The following ZNF668 variants were observed in gnomAD, a reference collection of about 807,000 sequenced individuals.
ZNF668 encodes zinc finger protein 668.
In ZNF668, 10 loss-of-function variants were observed where a neutral mutation model predicts 40.3. The observed-to-expected ratio is 0.25, with a 90% CI of 0.15 to 0.42. ZNF668 has a LOEUF of 0.42. ZNF668 is among the 10% of genes least tolerant of loss of function. The probability of loss-of-function intolerance (pLI) is 1.00; values close to 1 mark genes in which losing one functional copy is unlikely to be tolerated. For missense variants in ZNF668, 749 were observed against 904.6 expected (o/e 0.83, Z 2.21); for synonymous variants, 428 against 384.6 (o/e 1.11, Z -1.32).
chr16:31,061,209 G>A lies in ZNF668; in HGVS notation c.1719C>T (p.Thr573=). 6.6e-7 allele frequency: 1 copy of A among 1,524,670 alleles called. No homozygotes were observed. Among genetic ancestry groups the A allele is most frequent in the Non-Finnish European group, 8.8e-7 (1 of 1,137,924 alleles). The allele number at this position is 1,524,670 out of a possible 1,614,324, so 94.4% of individuals were successfully genotyped here. The change falls in exon 3 of 3, where the codon ACC becomes ACT. Residue 573 remains threonine (T), a synonymous_variant. Coordinates refer to ENST00000300849, the MANE Select transcript of ZNF668 (RefSeq NM_024706.5). This position sits in a 1 kb window ranked among gnomAD's most constrained non-coding sequence, Gnocchi z 7.7. ...AGAAGGCCTTGGGACAATGGGGGCA[G>A]GTGTAGGGGCGCACTGAGCTGTGAG... is the stretch of plus-strand genomic sequence containing the variant. ...SRTHSSVRPY[T]CPHCPKAFLS... is the part of the protein sequence containing the mutation.
At position 31,069,351 on chromosome 16, in the gene ZNF668, T is replaced by A. The variant is rs1377628970; in HGVS notation, c.-23+4308A>T. 2.6e-5 allele frequency: 4 copies of A among 151,750 alleles called. No individual in the cohort carries two copies. The East Asian group carries it at 5.8e-4, about 22-fold the overall frequency. The allele number at this position is 151,750 out of a possible 1,614,324, so 9.4% of individuals were successfully genotyped here. On this transcript the variant is annotated intron_variant, in intron 1 of 2. Coordinates refer to ENST00000300849, the MANE Select transcript of ZNF668 (RefSeq NM_024706.5). ...CTCCTCTCCCTGGCCCACTGGGCTCTACCCACAGAGGCCTCCTTTCTTCTC... is the reference window on the plus strand; with the variant it reads ...CTCCTCTCCCTGGCCCACTGGGCTCAACCCACAGAGGCCTCCTTTCTTCTC...
intron 1 of ZNF668, among the ~76,000 whole-genome samples, chr16:31,068,239 A>AATATATATAT (rs869069195): frequency 1.2e-4 from 10 of 82,982 alleles, no homozygotes; most frequent in African/African-American, 5.0e-4. Flanking sequence ...AAAAAAAAAA[A>AATATATATAT]ATATATATAT....
chr16:31,068,266 A>ATATGT (rs1348939812), intron 1 of ZNF668, among the ~76,000 whole-genome samples: 1 of 125,228 alleles, frequency 8.0e-6, no homozygotes, highest in Admixed American at 8.5e-5. Flanking sequence ...ATATATATAT[A>ATATGT]ATTTTTGAGA....
chr16:31,065,971 G>T, intron 1 of ZNF668: 3 of 969,020 alleles, frequency 3.1e-6, no homozygotes, highest in Non-Finnish European at 3.7e-6. Flanking sequence ...GAGGGTGCTA[G>T]GGGAAATACA....
At position 31,064,360 on chromosome 16, in the gene ZNF668, C is replaced by A; in HGVS notation, c.100G>T (p.Ala34Ser). Reference protein sequence around the residue: ...CLSCTKTFPNAPRAARHAATH... With the variant: ...CLSCTKTFPNSPRAARHAATH... ...GCAGCGTGGCGCGCTGCCCTGGGCGCGTTTGGAAATGTCTTGGTACAGGAC... is the reference window on the plus strand; with the variant it reads ...GCAGCGTGGCGCGCTGCCCTGGGCGAGTTTGGAAATGTCTTGGTACAGGAC... Residue 34 changes from alanine to serine, a missense_variant, in exon 2 of 3, where the codon GCG becomes TCG. Ala to Ser is a moderately conservative substitution (Grantham distance 99). Transcript: ENST00000300849. 6.2e-7 allele frequency: 1 copy of A among 1,613,938 alleles called. No homozygotes were observed. The highest frequency in any genetic ancestry group is 2.2e-5 in the East Asian group (1 of 44,872).
In ZNF668 at chr16:31,061,489, G is replaced by A. The variant is rs1473866554; in HGVS notation, c.1439C>T (p.Thr480Met). ...MATQWQVVGM[T>M]VEHVECQDAG... ...ATCTTGGCATTCCACATGCTCCACC[G>A]TCATGCCCACCACCTGCCACTGTGT... is the stretch of plus-strand genomic sequence containing the variant. The change falls in exon 3 of 3, where the codon ACG becomes ATG. Residue 480 changes from threonine (T) to methionine (M), a missense_variant. Coordinates refer to ENST00000300849, the MANE Select transcript of ZNF668 (RefSeq NM_024706.5). The surrounding 1 kb of genome is among the most constrained non-coding windows in gnomAD (Gnocchi z 7.7). 1 of 1,613,122 alleles carries A rather than the reference G, an allele frequency of 6.2e-7. No homozygotes were observed. Among genetic ancestry groups the A allele is most frequent in the Non-Finnish European group, 8.5e-7 (1 of 1,179,962 alleles).
chr16:31,070,254 C>G (rs1030318034), intron 1 of ZNF668, among the ~76,000 whole-genome samples: 1 of 151,410 alleles, frequency 6.6e-6, no homozygotes, highest in African/African-American at 2.4e-5. Flanking sequence ...GTCCCCCAGG[C>G]TGGAGTGCAA....
rs1462501601 is a variant in ZNF668 at position 31,064,087 on chromosome 16, C to T, written c.373G>A (p.Val125Met). 3 of 1,605,608 alleles carry T rather than the reference C, an allele frequency of 1.9e-6. No homozygotes were observed. The highest frequency in any genetic ancestry group is 2.5e-6 in the Non-Finnish European group (3 of 1,176,786). Residue 125 changes from valine (V) to methionine (M), a missense_variant, in exon 2 of 3, where the codon GTG becomes ATG. This residue lies in a region of ZNF668 where 151 missense variants were observed against 178.6 expected (regional missense o/e 0.85). Transcript: ENST00000300849. Reference protein sequence around the residue: ...PECGRRFMQPVCLRVHLASHA... With the variant: ...PECGRRFMQPMCLRVHLASHA... ...GAGGCCAGGTGCACGCGCAGGCACA[C>T]GGGCTGCATGAAGCGGCGGCCGCAC...
intron 2 of ZNF668, chr16:31,062,765 AAAAAAAAAAAAAAAAAAGAAAAAG>A (rs2056943398): frequency 3.8e-5 from 1 of 26,614 alleles, no homozygotes; most frequent in Non-Finnish European, 7.0e-5. Context: ...CTCCGTCTCA[AAAAAAAAAAAAAAAAAAGAAAAAG>A]AAAAAAAAAA....
chr16:31,061,230 G>A lies in ZNF668; in HGVS notation c.1698C>T (p.His566=). 6.5e-7 allele frequency: 1 copy of A among 1,531,312 alleles called. No individual in the cohort carries two copies. The highest frequency in any genetic ancestry group is 2.3e-5 in the East Asian group (1 of 44,260). The allele number at this position is 1,531,312 out of a possible 1,614,324, so 94.9% of individuals were successfully genotyped here. A position where few individuals can be genotyped will look rare whatever the true frequency, so the allele number is the denominator to read the frequency against. Reference sequence around the variant, plus strand: ...GGCAGGTGTAGGGGCGCACTGAGCTGTGAGTGCGGCTGTGTTTGCGCAGCC... The same window carrying A: ...GGCAGGTGTAGGGGCGCACTGAGCTATGAGTGCGGCTGTGTTTGCGCAGCC... ...RAGLRKHSRT[H]SSVRPYTCPH... Residue 566 remains histidine (H), a synonymous_variant, in exon 3 of 3, where the codon CAC becomes CAT. Transcript: ENST00000300849. This position sits in a 1 kb window ranked among gnomAD's most constrained non-coding sequence, Gnocchi z 7.7.
At chr16:31,063,697 C>T in intron 2 of ZNF668, 116 bp downstream of exon 2, 2 of 1,218,376 alleles carry the variant, frequency 1.6e-6, no homozygotes, top group Non-Finnish European at 2.2e-6. Context: ...TTGGATCTGC[C>T]ATGCCCACCT....
At chr16:31,066,252 C>T (rs1481116795) in intron 1 of ZNF668, 1 of 985,354 alleles carries the variant, frequency 1.0e-6, no homozygotes, top group African/African-American at 1.7e-5. Context: ...TCCCCAGGTC[C>T]TTCCTGCTTG....
At chr16:31,064,954 T>C (rs556310040) in intron 1 of ZNF668, 16 of 1,301,980 alleles carry the variant, frequency 1.2e-5, no homozygotes, top group South Asian at 3.7e-5. Context: ...TAGCTGGCAC[T>C]GTCTGGAAGT....
intron 1 of ZNF668, among the ~76,000 whole-genome samples, chr16:31,070,356 C>T (rs35652196): frequency 2.3e-4 from 35 of 151,296 alleles, no homozygotes; most frequent in Admixed American, 6.6e-4. Flanking sequence ...TATAGGCGCC[C>T]GCCACTACAT....
chr16:31,064,064 G>A lies in ZNF668; in HGVS notation c.396C>T (p.Ala132=). The A allele has an allele frequency of 1.2e-6, 2 of 1,604,676 alleles. No individual in the cohort carries two copies. Among genetic ancestry groups the A allele is most frequent in the Non-Finnish European group, 8.5e-7 (1 of 1,174,884 alleles). The stretch of plus-strand genomic sequence containing the variant: ...GGAAGGGCAGTTCGCCAGCGTGCGA[G>A]GCCAGGTGCACGCGCAGGCACACGG... The part of the protein sequence containing the change: ...MQPVCLRVHL[A]SHAGELPFRC... Residue 132 remains alanine, a synonymous_variant, in exon 2 of 3, where the codon GCC becomes GCT. Transcript: ENST00000300849.
chr16:31,062,921 C>G (rs947497810), intron 2 of ZNF668: 4 of 151,944 alleles, frequency 2.6e-5, no homozygotes, highest in African/African-American at 9.7e-5. Flanking sequence ...ACGGAGAAAC[C>G]CCGTCTCTAC....
Position 31,064,869 on chromosome 16 carries a change from G to T in ZNF668, c.-22-388C>A. 8 of 1,426,796 alleles carry T rather than the reference G, an allele frequency of 5.6e-6. No individual in the cohort carries two copies. The South Asian group carries it at 1.2e-4, about 22-fold the overall frequency. 88.4% of individuals were successfully genotyped at this position (1,426,796 alleles called of 1,614,324 possible). On this transcript the variant is annotated intron_variant, in intron 1 of 2. Transcript: ENST00000300849. The stretch of plus-strand genomic sequence containing the variant: ...AAGAGTGTACCCAGACGTGGGCCTG[G>T]CCTGAAGGTCTCCAAGCGCCCAGAA...
At chr16:31,071,846 A>C (rs1358767008) in intron 1 of ZNF668, among the ~76,000 whole-genome samples, 1 of 152,252 alleles carries the variant, frequency 6.6e-6, no homozygotes, top group Non-Finnish European at 1.5e-5. Flanking sequence ...CATTTTGTGC[A>C]TAATACTCAA....
chr16:31,066,658 T>G (rs757951464), intron 1 of ZNF668, among the ~76,000 whole-genome samples: 3 of 147,976 alleles, frequency 2.0e-5, no homozygotes, highest in Non-Finnish European at 4.5e-5. Flanking sequence ...AGTTCAAGGC[T>G]GTACCACTGC....
Sources: allele counts gnomAD v4.1 joint callset (sites outside exome capture counted in the v4.1 genomes callset), GRCh38; gene constraint gnomAD v4.1.1; regional missense constraint gnomAD v4.1.1; non-coding constraint Gnocchi (gnomAD v3.1); transcripts MANE v1.5; gene names NCBI Gene and HGNC (gene_info 2026-07-23, HGNC 2026-07-21).